Variants in RTTN observed in about 807,000 individuals in gnomAD.
The protein encoded by RTTN is rotatin.
A neutral mutation model predicts 269.2 loss-of-function variants in RTTN; 182 were observed. The ratio of observed to expected loss-of-function variants is 0.68; its 90% CI spans 0.60 to 0.76. RTTN has a LOEUF of 0.76. RTTN is among the 30% of genes least tolerant of loss of function. The pLI, the probability that RTTN is intolerant of heterozygous loss-of-function variation, is 0.00. For synonymous variants in RTTN, 1,006 were observed against 963.5 expected (o/e 1.04, Z -0.82); for missense variants, 2,545 against 2,608.6 (o/e 0.98, Z 0.53).
chr18:70,078,695 A>G (rs2058488438), intron 32 of RTTN, among the ~76,000 whole-genome samples: 1 of 152,126 alleles, frequency 6.6e-6, no homozygotes, highest in African/African-American at 2.4e-5. Context: ...CAGCCCACTA[A>G]GTGTCTCTGT....
intron 24 of RTTN, chr18:70,127,995 T>C (rs751810747): frequency 6.4e-6 from 3 of 471,518 alleles, no homozygotes; most frequent in African/African-American, 5.8e-5. Flanking sequence ...GATTAGAATA[T>C]TAAGATATTC....
intron 40 of RTTN, 49 bp from the exon 41 acceptor site, chr18:70,031,030 G>T: frequency 1.5e-6 from 2 of 1,305,150 alleles, no homozygotes; most frequent in Non-Finnish European, 2.2e-6. Flanking sequence ...TTAATCTGGA[G>T]CAAAACTGTT....
At chr18:70,105,399 G>T (rs1008346416) in intron 28 of RTTN, among the ~76,000 whole-genome samples, 8 of 152,182 alleles carry the variant, frequency 5.3e-5, no homozygotes. Flanking sequence ...CATGTGTCAC[G>T]GCTTCCCTTG....
At position 70,075,503 on chromosome 18, in the gene RTTN, G is replaced by A; in HGVS notation, c.4413C>T (p.Leu1471=). 1 of 1,599,920 alleles carries A rather than the reference G, an allele frequency of 6.3e-7. No homozygotes were observed. The highest frequency in any genetic ancestry group is 8.5e-7 in the Non-Finnish European group (1 of 1,174,526). The part of the protein sequence containing the change: ...CVHDEDSGLS[L]IGKPALQALL... ...GAGCCTGAAGGGCAGGTTTTCCAATGAGCGATAGGCCAGAGTCCTCATCAT... is the reference window on the plus strand; with the variant it reads ...GAGCCTGAAGGGCAGGTTTTCCAATAAGCGATAGGCCAGAGTCCTCATCAT... The change falls in exon 33 of 49, where the codon CTC becomes CTT. Residue 1471 remains leucine (L), a synonymous_variant. Transcript: ENST00000640769.
At chr18:70,160,406 T>C (rs983680940) in intron 14 of RTTN, among the ~76,000 whole-genome samples, 1 of 151,746 alleles carries the variant, frequency 6.6e-6, no homozygotes, top group Non-Finnish European at 1.5e-5. Context: ...AAAACCCTCA[T>C]CAAACTAGGC....
At chr18:70,015,493 T>C (rs1361294750) in intron 46 of RTTN, among the ~76,000 whole-genome samples, 1 of 152,172 alleles carries the variant, frequency 6.6e-6, no homozygotes, top group East Asian at 1.9e-4. Context: ...CTGACTCTGC[T>C]AAGGCCTCCT....
chr18:70,029,835 G>A (rs573262459), intron 42 of RTTN, among the ~76,000 whole-genome samples, 177 bp downstream of exon 42: 6 of 152,208 alleles, frequency 3.9e-5, no homozygotes, highest in African/African-American at 1.2e-4. Flanking sequence ...AGATCTTCAA[G>A]TAAGAATTAA....
intron 43 of RTTN, among the ~76,000 whole-genome samples, chr18:70,025,066 A>G (rs2056816216): frequency 6.6e-6 from 1 of 152,228 alleles, no homozygotes; most frequent in Non-Finnish European, 1.5e-5. Context: ...GGTGGTTAAG[A>G]TGTACCACTA....
At chr18:70,178,458 A>G (rs1201718793) in intron 10 of RTTN, among the ~76,000 whole-genome samples, 1 of 152,212 alleles carries the variant, frequency 6.6e-6, no homozygotes, top group Non-Finnish European at 1.5e-5. Flanking sequence ...ATTTGAGATG[A>G]TGAAAAAGTT....
intron 40 of RTTN, among the ~76,000 whole-genome samples, chr18:70,043,778 C>A (rs76091143): frequency 0.018 from 2,741 of 152,298 alleles, 45 homozygotes; most frequent in Non-Finnish European, 0.028. Flanking sequence ...TACTTTCCAA[C>A]ATATACTGAA....
intron 27 of RTTN, among the ~76,000 whole-genome samples, chr18:70,110,905 T>C (rs1263882652): frequency 6.6e-6 from 1 of 152,204 alleles, no homozygotes; most frequent in Non-Finnish European, 1.5e-5. Context: ...TGCCGAGGCT[T>C]GAGTAGGCAG....
intron 40 of RTTN, 107 bp from the exon 41 acceptor site, chr18:70,031,088 T>A: frequency 3.0e-6 from 2 of 670,530 alleles, no homozygotes; most frequent in Non-Finnish European, 4.9e-6. Flanking sequence ...AGGTTTCAAC[T>A]ATCATGTGAA....
chr18:70,205,671 A>G lies in RTTN; in HGVS notation c.-13T>C. ...CTGCCAGGACCATCTCGTCCCGTCA[A>G]TCTGCAGCCGCCGGAGAATTAAACT... On this transcript the variant is annotated 5_prime_UTR_variant, in exon 1 of 49. Coordinates refer to ENST00000640769, the MANE Select transcript of RTTN (RefSeq NM_173630.4). 6.2e-7 allele frequency: 1 copy of G among 1,614,090 alleles called. No individual in the cohort carries two copies.
At position 70,199,511 on chromosome 18, in the gene RTTN, G is replaced by C. The variant is rs1269057438; in HGVS notation, c.488-7C>G. ...CACTTCACAGTCTGATTTACTGTCAGTGAAAGAGCAAATCTTATGGTATCA... is the reference window on the plus strand; with the variant it reads ...CACTTCACAGTCTGATTTACTGTCACTGAAAGAGCAAATCTTATGGTATCA... On this transcript the variant is annotated splice_polypyrimidine_tract_variant and splice_region_variant and intron_variant, in intron 4 of 48. Coordinates refer to ENST00000640769, the MANE Select transcript of RTTN (RefSeq NM_173630.4). The C allele has an allele frequency of 1.9e-6, 3 of 1,577,308 alleles. No individual in the cohort carries two copies. The highest frequency in any genetic ancestry group is 2.6e-6 in the Non-Finnish European group (3 of 1,147,306).
chr18:70,070,225 G>C (rs2058258797), intron 34 of RTTN, among the ~76,000 whole-genome samples: 1 of 152,184 alleles, frequency 6.6e-6, no homozygotes, highest in South Asian at 2.1e-4. Context: ...TAATCTAAGA[G>C]CACAAATTTC....
intron 10 of RTTN, among the ~76,000 whole-genome samples, chr18:70,186,841 G>A (rs1301178938): frequency 6.6e-6 from 1 of 152,078 alleles, no homozygotes; most frequent in Non-Finnish European, 1.5e-5. Context: ...ACCCAAAGAG[G>A]GGAATAACAG....
At chr18:70,165,423 T>C (rs2060959141) in intron 14 of RTTN, among the ~76,000 whole-genome samples, 1 of 151,846 alleles carries the variant, frequency 6.6e-6, no homozygotes, top group Non-Finnish European at 1.5e-5. Flanking sequence ...CAAAGAAGCT[T>C]CCTCTATAAC....
At chr18:70,162,623 G>T (rs1311371841) in intron 14 of RTTN, among the ~76,000 whole-genome samples, 3 of 152,048 alleles carry the variant, frequency 2.0e-5, no homozygotes, top group Admixed American at 2.0e-4. Context: ...CAGGATGGGG[G>T]AAACTGCCCC....
intron 28 of RTTN, among the ~76,000 whole-genome samples, chr18:70,096,764 G>A (rs2059015102): frequency 6.6e-6 from 1 of 152,166 alleles, no homozygotes; most frequent in Non-Finnish European, 1.5e-5. Context: ...CAGTCAGGAG[G>A]CACGGGGTTC....
Sources: allele counts gnomAD v4.1 joint callset (sites outside exome capture counted in the v4.1 genomes callset), GRCh38; gene constraint gnomAD v4.1.1; transcripts MANE v1.5; gene names NCBI Gene and HGNC (gene_info 2026-07-23, HGNC 2026-07-21).